KCNMA1: variants seen among roughly 807,000 people sequenced by gnomAD.
The protein encoded by KCNMA1 is Calcium-activated potassium channel subunit alpha-1.
A neutral mutation model predicts 140.0 loss-of-function variants in KCNMA1; 29 were observed. That is an observed-to-expected ratio of 0.21 (90% CI 0.15 to 0.28). KCNMA1 has a LOEUF of 0.28. Ranked by LOEUF, KCNMA1 falls within the 10% of genes least tolerant of loss-of-function variation. The pLI is 1.00. For missense variants in KCNMA1, 880 were observed against 1,602.2 expected (o/e 0.55, Z 7.70); for synonymous variants, 612 against 611.9 (o/e 1.00, Z 0.00).
intron 1 of KCNMA1, among the ~76,000 whole-genome samples, chr10:77,501,189 GAGA>G (rs530807463): frequency 1.9e-4 from 29 of 152,318 alleles, no homozygotes; most frequent in South Asian, 6.2e-4. Context: ...TCCATAAACT[GAGA>G]AGAAGAAGAA....
At chr10:77,530,756 A>T (rs554622632) in intron 1 of KCNMA1, among the ~76,000 whole-genome samples, 5 of 152,152 alleles carry the variant, frequency 3.3e-5, no homozygotes, top group Admixed American at 6.5e-5. Context: ...ATTCTCTCCC[A>T]TCTTCCTGAT....
At chr10:77,617,241 C>A (rs946680052) in intron 1 of KCNMA1, among the ~76,000 whole-genome samples, 4 of 152,160 alleles carry the variant, frequency 2.6e-5, no homozygotes, top group African/African-American at 4.8e-5. Flanking sequence ...AGACAAGAAA[C>A]CCGGGAAGCA....
At chr10:76,902,870 A>G (rs752767978) in intron 25 of KCNMA1, 8 of 152,258 alleles carry the variant, frequency 5.3e-5, no homozygotes, top group Non-Finnish European at 8.8e-5. Context: ...TCTGATAGAC[A>G]AAGCATACTC....
chr10:77,337,030 T>C (rs1239972983), intron 2 of KCNMA1, among the ~76,000 whole-genome samples: 2 of 152,188 alleles, frequency 1.3e-5, no homozygotes, highest in African/African-American at 4.8e-5. Context: ...CAACAAGTAG[T>C]TGGACTAGTC....
At chr10:76,954,338 G>A (rs1339616891) in intron 20 of KCNMA1, among the ~76,000 whole-genome samples, 1 of 151,814 alleles carries the variant, frequency 6.6e-6, no homozygotes, top group Non-Finnish European at 1.5e-5. Context: ...TATGAGCCTC[G>A]GCAATGAAGA....
intron 1 of KCNMA1, among the ~76,000 whole-genome samples, chr10:77,460,343 G>T (rs891667648): frequency 2.6e-5 from 4 of 152,122 alleles, no homozygotes; most frequent in African/African-American, 9.7e-5. Context: ...ATTTCTCAAA[G>T]AGCTCAAAAT....
rs139726309 is a variant in KCNMA1, at chr10:77,410,392, G to A, written c.379-6369C>T. 5.7e-3 allele frequency among the ~76,000 whole-genome samples: 871 copies of A among 152,268 alleles called. 5 individuals carry two copies. Among genetic ancestry groups the A allele is most frequent in the Middle Eastern group, 0.027 (8 of 294 alleles). On this transcript the variant is annotated intron_variant, in intron 1 of 27. Transcript: ENST00000286628. ...CTGCCTCAGGCATGAGAAGCTGGCT[G>A]GGCCCGCCTTGAGGGGATCCCAGGG...
At chr10:77,308,813 A>G (rs2078504200) in intron 2 of KCNMA1, among the ~76,000 whole-genome samples, 1 of 152,178 alleles carries the variant, frequency 6.6e-6, no homozygotes, top group East Asian at 1.9e-4. Flanking sequence ...TGAGATACCC[A>G]GCTACAGTTA....
intron 3 of KCNMA1, chr10:77,217,553 C>A (rs746778211): frequency 2.2e-6 from 1 of 456,468 alleles, no homozygotes; most frequent in South Asian, 1.6e-5. Context: ...ATGAAGTCTC[C>A]AGGAGCTGCC....
At chr10:77,515,435 C>T (rs2050058429) in intron 1 of KCNMA1, among the ~76,000 whole-genome samples, 1 of 152,146 alleles carries the variant, frequency 6.6e-6, no homozygotes, top group Admixed American at 6.5e-5. Flanking sequence ...TGTAGACTGC[C>T]AGTTTGTCCC....
chr10:77,417,069 G>C (rs1225143148), intron 1 of KCNMA1, among the ~76,000 whole-genome samples: 1 of 152,092 alleles, frequency 6.6e-6, no homozygotes. Context: ...CTCCGTGCTG[G>C]CTGTTCCCAC....
intron 13 of KCNMA1, among the ~76,000 whole-genome samples, chr10:77,074,132 A>T (rs1195870739): frequency 1.3e-5 from 2 of 152,230 alleles, no homozygotes; most frequent in Non-Finnish European, 2.9e-5. Context: ...AAAATCAACT[A>T]TATAAATTCA....
intron 1 of KCNMA1, among the ~76,000 whole-genome samples, chr10:77,520,826 C>A (rs186885542): frequency 6.2e-4 from 94 of 152,284 alleles, no homozygotes; most frequent in Non-Finnish European, 1.2e-3. Flanking sequence ...ATCCAAGAGA[C>A]CTTCCAGCCT....
intron 1 of KCNMA1, among the ~76,000 whole-genome samples, chr10:77,451,308 A>G (rs759173401): frequency 1.1e-4 from 17 of 152,182 alleles, no homozygotes; most frequent in Non-Finnish European, 1.9e-4. Context: ...GACAAAGGCC[A>G]TCGGGCAGAT....
intron 1 of KCNMA1, among the ~76,000 whole-genome samples, chr10:77,602,328 A>G (rs1317595297): frequency 6.6e-6 from 1 of 152,160 alleles, no homozygotes; most frequent in Non-Finnish European, 1.5e-5. Flanking sequence ...GTATGAGCAC[A>G]TTTAGATGGA....
intron 1 of KCNMA1, among the ~76,000 whole-genome samples, chr10:77,489,660 G>C (rs1358046311): frequency 6.6e-6 from 1 of 152,192 alleles, no homozygotes; most frequent in African/African-American, 2.4e-5. Flanking sequence ...ATTTTCATTT[G>C]CTGAATCTAC....
At position 77,207,821 on chromosome 10, in the gene KCNMA1, C is replaced by A. The variant is rs2044646105; in HGVS notation, c.603-22905G>T. Among the ~76,000 whole-genome samples, 3 of 152,284 alleles carry A rather than the reference C, an allele frequency of 2.0e-5. No homozygotes were observed. The South Asian group carries it at 6.2e-4, about 32-fold the overall frequency. ...CATAAATGCTTAACTAGGTAAAATG[C>A]CTTTGTAAGACTCTGATGTTAGTCC... On this transcript the variant is annotated intron_variant, in intron 3 of 27. Coordinates refer to ENST00000286628, the MANE Select transcript of KCNMA1 (RefSeq NM_001161352.2).
At chr10:77,633,335 GGA>G (rs373296990) in intron 1 of KCNMA1, among the ~76,000 whole-genome samples, 4 of 151,356 alleles carry the variant, frequency 2.6e-5, no homozygotes, top group South Asian at 2.1e-4. Flanking sequence ...ATTAATAAAA[GGA>G]GAGAGAGAGA....
chr10:76,958,503 T>C (rs1185517962), intron 20 of KCNMA1, among the ~76,000 whole-genome samples: 1 of 152,218 alleles, frequency 6.6e-6, no homozygotes, highest in Non-Finnish European at 1.5e-5. Flanking sequence ...TCCCCCAAAT[T>C]TTTATGTGAA....
Sources: gnomAD v4.1 joint callset for allele counts (sites outside exome capture counted in the v4.1 genomes callset) on GRCh38, gnomAD v4.1.1 for gene constraint, MANE v1.5 for transcripts, NCBI Gene and HGNC (gene_info 2026-07-23, HGNC 2026-07-21) for gene names.